FRAS1: variants seen among roughly 807,000 people sequenced by gnomAD.
The protein encoded by FRAS1 is extracellular matrix organizing protein FRAS1.
A neutral mutation model predicts 435.2 loss-of-function variants in FRAS1; 290 were observed. The observed-to-expected ratio is 0.67, with a 90% CI of 0.61 to 0.73. The LOEUF (loss-of-function observed/expected upper bound fraction) is 0.73. Among genes scored for constraint, FRAS1 ranks in the 30% least tolerant of loss-of-function variants. The probability of loss-of-function intolerance (pLI) is 0.00; values close to 1 mark genes in which losing one functional copy is unlikely to be tolerated. For synonymous variants in FRAS1, 1,800 were observed against 1,851.0 expected, an observed-to-expected ratio of 0.97 and a Z score of 0.71; for missense variants, 4,860 against 5,001.5, an observed-to-expected ratio of 0.97 and a Z score of 0.85.
At chr4:78,305,254 C>A (rs1728651026) in intron 14 of FRAS1, among the ~76,000 whole-genome samples, 2 of 151,910 alleles carry the variant, frequency 1.3e-5, no homozygotes, top group African/African-American at 4.8e-5. Flanking sequence ...TGTTCTTTTA[C>A]ATTTGCTGAG....
chr4:78,212,235 C>A (rs1406903722), intron 2 of FRAS1, among the ~76,000 whole-genome samples: 3 of 152,168 alleles, frequency 2.0e-5, no homozygotes, highest in African/African-American at 7.2e-5. Context: ...GTTTGTCCTT[C>A]AAGTCTCATC....
intron 2 of FRAS1, among the ~76,000 whole-genome samples, chr4:78,083,332 C>G (rs1187585453): frequency 2.0e-5 from 3 of 152,082 alleles, no homozygotes; most frequent in Admixed American, 2.0e-4. Context: ...AAAATGTTTC[C>G]TTATTCTCAA....
chr4:78,140,270 A>G (rs1720102131), intron 2 of FRAS1, among the ~76,000 whole-genome samples: 1 of 152,128 alleles, frequency 6.6e-6, no homozygotes, highest in Non-Finnish European at 1.5e-5. Flanking sequence ...TAATAACCAC[A>G]TATATTTAGT....
At position 78,391,034 on chromosome 4, in the gene FRAS1, G is replaced by T. The variant is rs575233631; in HGVS notation, c.3975+3333G>T. Among the ~76,000 whole-genome samples the T allele has an allele frequency of 1.2e-3, 176 of 152,076 alleles. 10 individuals carry two copies. The highest frequency in any genetic ancestry group is 3.4e-3 in the Middle Eastern group (1 of 294). On this transcript the variant is annotated intron_variant, in intron 29 of 73. Coordinates refer to ENST00000512123, the MANE Select transcript of FRAS1 (RefSeq NM_025074.7). ...TCGTAGGAGTTCAGTACCTTTTTTGGTTTTTTTTGGATGGATGGGTAATGG... is the reference window on the plus strand; with the variant it reads ...TCGTAGGAGTTCAGTACCTTTTTTGTTTTTTTTTGGATGGATGGGTAATGG...
At chr4:78,273,015 A>G (rs888549579) in intron 9 of FRAS1, among the ~76,000 whole-genome samples, 1 of 152,120 alleles carries the variant, frequency 6.6e-6, no homozygotes, top group African/African-American at 2.4e-5. Flanking sequence ...GTTCTCCTTG[A>G]AGAGGTCCTT....
intron 12 of FRAS1, 120 bp from the exon 13 acceptor site, chr4:78,284,285 G>C (rs893749278): frequency 6.8e-6 from 3 of 443,208 alleles, no homozygotes; most frequent in African/African-American, 5.0e-5. Context: ...AAGTCCCACA[G>C]TTTTCTGTTC....
chr4:78,159,462 T>C (rs200022781), intron 2 of FRAS1, among the ~76,000 whole-genome samples: 1 of 152,194 alleles, frequency 6.6e-6, no homozygotes, highest in East Asian at 1.9e-4. Context: ...TTGGAACAAT[T>C]GTAGGGGATG....
chr4:78,125,606 T>C (rs1476233928), intron 2 of FRAS1, among the ~76,000 whole-genome samples: 1 of 152,180 alleles, frequency 6.6e-6, no homozygotes, highest in Non-Finnish European at 1.5e-5. Context: ...CCTTTCTGTT[T>C]GTTAGTTTTC....
Position 78,407,651 on chromosome 4 carries a change from G to A in FRAS1, c.4130-12G>A. ...GGGACCCTCACTAACTATGTGGCCT[G>A]TGCCTTCCTAGGGGAGGTGGTCCTT... On this transcript the variant is annotated splice_polypyrimidine_tract_variant and intron_variant, in intron 30 of 73. Transcript: ENST00000512123. 6.2e-7 allele frequency: 1 copy of A among 1,603,714 alleles called. No homozygotes were observed. The highest frequency in any genetic ancestry group is 1.1e-5 in the South Asian group (1 of 88,530).
chr4:78,266,846 T>C lies in FRAS1; in HGVS notation c.700T>C (p.Trp234Arg). The C allele has an allele frequency of 6.2e-7, 1 of 1,601,634 alleles. No individual in the cohort carries two copies. Among genetic ancestry groups the C allele is most frequent in the Non-Finnish European group, 8.5e-7 (1 of 1,173,714 alleles). ...TGTCTTCATGCAGCATGGTGAGCAGTGGAGCGAAAATGCCTGCACCACGTG... is the reference window on the plus strand; with the variant it reads ...TGTCTTCATGCAGCATGGTGAGCAGCGGAGCGAAAATGCCTGCACCACGTG... Reference protein sequence around the residue: ...AGQVYEHGEQWSENACTTCIC... With the variant: ...AGQVYEHGEQRSENACTTCIC... The change falls in exon 8 of 74, where the codon TGG becomes CGG. Residue 234 changes from tryptophan to arginine, a missense_variant. Physicochemically the swap from Trp to Arg is moderately radical, Grantham distance 101. Coordinates refer to ENST00000512123, the MANE Select transcript of FRAS1 (RefSeq NM_025074.7).
intron 66 of FRAS1, 28 bp downstream of exon 66, chr4:78,516,041 C>A (rs774040714): frequency 9.6e-6 from 15 of 1,560,464 alleles, no homozygotes; most frequent in Non-Finnish European, 1.3e-5. Context: ...TGTCTGAGGA[C>A]TCTGCATATG....
At position 78,509,004 on chromosome 4, in the gene FRAS1, A is replaced by G; in HGVS notation, c.9778A>G (p.Met3260Val). ...CACACCATTCACCAGTGTCAACCAC[A>G]TGGTAGGTCTGGGGGTCTGGGCCTG... ...DNTPFTSVNHMVLDSIYFSRR... is the reference protein window; with the variant it reads ...DNTPFTSVNHVVLDSIYFSRR... Residue 3260 changes from methionine (M) to valine (V), a missense_variant and splice_region_variant, in exon 63 of 74, where the codon ATG becomes GTG. By Grantham distance (21) the Met-to-Val change is conservative. Transcript: ENST00000512123. 1 of 1,613,946 alleles carries G rather than the reference A, an allele frequency of 6.2e-7. No homozygotes were observed.
chr4:78,498,964 C>T (rs1720594950), intron 60 of FRAS1, among the ~76,000 whole-genome samples: 1 of 152,150 alleles, frequency 6.6e-6, no homozygotes, highest in Non-Finnish European at 1.5e-5. Context: ...TCTCCCACCT[C>T]AACCTCCTGA....
intron 54 of FRAS1, among the ~76,000 whole-genome samples, chr4:78,476,410 A>G (rs1278386195): frequency 7.1e-6 from 1 of 140,730 alleles, no homozygotes; most frequent in Non-Finnish European, 1.6e-5. Flanking sequence ...TAAATAGTCA[A>G]CAAATACAGG....
intron 4 of FRAS1, among the ~76,000 whole-genome samples, chr4:78,249,804 G>C (rs6825742): frequency 6.6e-6 from 1 of 152,120 alleles, no homozygotes; most frequent in South Asian, 2.1e-4. Context: ...TGATTGGCAG[G>C]CTGTTGTTAT....
At chr4:78,518,980 C>A (rs1368446892) in intron 66 of FRAS1, among the ~76,000 whole-genome samples, 1 of 152,126 alleles carries the variant, frequency 6.6e-6, no homozygotes, top group African/African-American at 2.4e-5. Flanking sequence ...GATCCCACAT[C>A]CACCGGGTTG....
intron 38 of FRAS1, among the ~76,000 whole-genome samples, chr4:78,433,394 A>T (rs191147974): frequency 2.0e-5 from 3 of 152,350 alleles, no homozygotes; most frequent in African/African-American, 7.2e-5. Context: ...TCTGAATGCT[A>T]ATCATATTGA....
intron 18 of FRAS1, among the ~76,000 whole-genome samples, chr4:78,323,491 T>C (rs1433671956): frequency 6.6e-6 from 1 of 152,186 alleles, no homozygotes; most frequent in Non-Finnish European, 1.5e-5. Context: ...AATAAAAACC[T>C]GCATCCCCCA....
At chr4:78,517,805 A>G (rs551001238) in intron 66 of FRAS1, among the ~76,000 whole-genome samples, 3 of 152,352 alleles carry the variant, frequency 2.0e-5, no homozygotes, top group South Asian at 2.1e-4. Context: ...ATAAACAAAA[A>G]CAAATGAGGA....
Sources: gnomAD v4.1 joint callset for allele counts (sites outside exome capture counted in the v4.1 genomes callset) on GRCh38, gnomAD v4.1.1 for gene constraint, MANE v1.5 for transcripts, NCBI Gene and HGNC (gene_info 2026-07-23, HGNC 2026-07-21) for gene names.